ARID5A: variants seen among roughly 807,000 people sequenced by gnomAD.
ARID5A encodes AT-rich interactive domain-containing protein 5A.
A neutral mutation model predicts 30.5 loss-of-function variants in ARID5A; 14 were observed. The observed-to-expected ratio is 0.46, with a 90% CI of 0.30 to 0.72. The LOEUF (loss-of-function observed/expected upper bound fraction) is 0.72, where lower values mean the gene tolerates loss of function less well. ARID5A is among the 30% of genes least tolerant of loss of function. ARID5A has a pLI of 0.07. For missense variants in ARID5A, 669 were observed against 786.2 expected (o/e 0.85, Z 1.78); for synonymous variants, 338 against 340.4 (o/e 0.99, Z 0.08).
chr2:96,538,030 G>A (rs1268555563), intron 1 of ARID5A: 1 of 985,398 alleles, frequency 1.0e-6, no homozygotes, highest in Non-Finnish European at 1.2e-6. Flanking sequence ...TGGGAGGTCG[G>A]GGCTCGAGGG....
In ARID5A at chr2:96,549,951, C is replaced by T; in HGVS notation, c.312+146C>T. On this transcript the variant is annotated intron_variant, in intron 4 of 6. Transcript: ENST00000357485. This position sits in a 1 kb window ranked among gnomAD's most constrained non-coding sequence, Gnocchi z 6.1. ...CCTCCCTGCCTTCCCCGCTGGTACT[C>T]TGCTGCTCAAAGCAGCTTTTCAGCC... The T allele has an allele frequency of 6.5e-7, 1 of 1,531,912 alleles. No homozygotes were observed. The highest frequency in any genetic ancestry group is 1.4e-5 in the African/African-American group (1 of 72,912). The allele number at this position is 1,531,912 out of a possible 1,614,324, so 94.9% of individuals were successfully genotyped here.
chr2:96,542,597 G>C (rs558907358), intron 1 of ARID5A, among the ~76,000 whole-genome samples: 1 of 152,184 alleles, frequency 6.6e-6, no homozygotes. Context: ...TTTAAACCCT[G>C]CTGCCCCACC....
In ARID5A at chr2:96,549,859, T is replaced by A; in HGVS notation, c.312+54T>A. 6.3e-7 allele frequency: 1 copy of A among 1,587,404 alleles called. No homozygotes were observed. Among genetic ancestry groups the A allele is most frequent in the Non-Finnish European group, 8.6e-7 (1 of 1,165,730 alleles). On this transcript the variant is annotated intron_variant, in intron 4 of 6. Transcript: ENST00000357485. This position sits in a 1 kb window ranked among gnomAD's most constrained non-coding sequence, Gnocchi z 6.1. ...AAACTGCATATCCCTGGGGTGAGCC[T>A]GCAGCGCTGTCCTTGCCTCTGGACA...
At chr2:96,546,746 G>T (rs566641177) in intron 1 of ARID5A, among the ~76,000 whole-genome samples, 2 of 152,238 alleles carry the variant, frequency 1.3e-5, no homozygotes, top group South Asian at 4.1e-4. Context: ...CCTTATTAGG[G>T]CAGTTAGAAC....
chr2:96,539,919 C>CT lies in ARID5A; in HGVS notation c.4+3090dup, dbSNP rs548456796. ...CACAGATAAGGAACTTGAGGTCTCC[C>CT]TGCTCCCATTAGAAAGAAAAAAATC... On this transcript the variant is annotated intron_variant, in intron 1 of 6. Transcript: ENST00000357485. The surrounding 1 kb of genome is among the most constrained non-coding windows in gnomAD (Gnocchi z 4.7). Among the ~76,000 whole-genome samples, 21 of 152,320 alleles carry CT rather than the reference C, an allele frequency of 1.4e-4. No individual in the cohort carries two copies. In the East Asian group the frequency reaches 3.9e-3, roughly 28 times the overall value.
In ARID5A at chr2:96,551,947, G is replaced by T; in HGVS notation, c.1419G>T (p.Lys473Asn). 6.6e-7 allele frequency: 1 copy of T among 1,522,368 alleles called. No homozygotes were observed. The highest frequency in any genetic ancestry group is 8.8e-7 in the Non-Finnish European group (1 of 1,135,880). The allele number at this position is 1,522,368 out of a possible 1,614,324, so 94.3% of individuals were successfully genotyped here. Residue 473 changes from lysine (K) to asparagine (N), a missense_variant, in exon 7 of 7, where the codon AAG becomes AAT. By Grantham distance (94) the Lys-to-Asn change is moderately conservative. Transcript: ENST00000357485. ...TTCTTAAGGAGGCGGATGCCAAGAAGTGTGGGGCCAAACCTGCAGGGTCCG... is the reference window on the plus strand; with the variant it reads ...TTCTTAAGGAGGCGGATGCCAAGAATTGTGGGGCCAAACCTGCAGGGTCCG... ...SPFLKEADAK[K>N]CGAKPAGSGL...
At position 96,536,820 on chromosome 2, in the gene ARID5A, C is replaced by T; in HGVS notation, c.-7C>T. 1.6e-6 allele frequency: 2 copies of T among 1,227,066 alleles called. No individual in the cohort carries two copies. Among genetic ancestry groups the T allele is most frequent in the Non-Finnish European group, 2.0e-6 (2 of 984,824 alleles). The allele number at this position is 1,227,066 out of a possible 1,614,324, so 76.0% of individuals were successfully genotyped here. A position where few individuals can be genotyped will look rare whatever the true frequency, so the allele number is the denominator to read the frequency against. On this transcript the variant is annotated 5_prime_UTR_variant, in exon 1 of 7. Coordinates refer to ENST00000357485, the MANE Select transcript of ARID5A (RefSeq NM_212481.3). ...TCGGGGCGGGCGCCGCGGGACCTCTCCGGGCCATGGGTAAGCGGCTCTGCG... is the reference window on the plus strand; with the variant it reads ...TCGGGGCGGGCGCCGCGGGACCTCTTCGGGCCATGGGTAAGCGGCTCTGCG...
chr2:96,536,917 C>G, intron 1 of ARID5A, 87 bp downstream of exon 1: 1 of 1,218,556 alleles, frequency 8.2e-7, no homozygotes, highest in Non-Finnish European at 1.0e-6. Context: ...CCCTCCAGCC[C>G]TCGTGGCAGT....
At chr2:96,540,400 C>A (rs909541775) in intron 1 of ARID5A, among the ~76,000 whole-genome samples, 1 of 152,228 alleles carries the variant, frequency 6.6e-6, no homozygotes, top group Non-Finnish European at 1.5e-5. Flanking sequence ...TCACTAGGAG[C>A]CCAGGCTCAT....
intron 1 of ARID5A, among the ~76,000 whole-genome samples, chr2:96,541,861 C>T (rs1017862269): frequency 3.9e-5 from 6 of 152,214 alleles, no homozygotes; most frequent in African/African-American, 9.6e-5. Context: ...GGCAGTAGTG[C>T]GGTGGCTCAC....
At position 96,537,991 on chromosome 2, in the gene ARID5A, C is replaced by T. The variant is rs1240873400; in HGVS notation, c.4+1161C>T. The T allele has an allele frequency of 2.0e-6, 2 of 985,396 alleles. No individual in the cohort carries two copies. The highest frequency in any genetic ancestry group is 2.4e-6 in the Non-Finnish European group (2 of 829,990). 61.0% of individuals were successfully genotyped at this position (985,396 alleles called of 1,614,324 possible). ...CACACGCACGGTGGCGTCACTGCGCCTACAGGCAACGCTAGAGCACAGGAG... is the reference window on the plus strand; with the variant it reads ...CACACGCACGGTGGCGTCACTGCGCTTACAGGCAACGCTAGAGCACAGGAG... On this transcript the variant is annotated intron_variant, in intron 1 of 6. Transcript: ENST00000357485. The surrounding 1 kb of genome is among the most constrained non-coding windows in gnomAD (Gnocchi z 4.8).
intron 1 of ARID5A, 137 bp from the exon 2 acceptor site, chr2:96,547,265 C>T: frequency 1.5e-6 from 1 of 663,764 alleles, no homozygotes. Flanking sequence ...GCTGGGATCA[C>T]AGGAGTGAGC....
chr2:96,541,828 C>A (rs1189255666), intron 1 of ARID5A, among the ~76,000 whole-genome samples: 1 of 152,234 alleles, frequency 6.6e-6, no homozygotes, highest in Non-Finnish European at 1.5e-5. Context: ...AGAAAAGAAT[C>A]TGCACACACA....
rs2065813925 is a variant in ARID5A at position 96,539,802 on chromosome 2, C to T, written c.4+2972C>T. ...AGCCTGGATGCCTTAGCAGTCAACACAGACCTGCTCTTGTTAGCAGAGTGA... is the reference window on the plus strand; with the variant it reads ...AGCCTGGATGCCTTAGCAGTCAACATAGACCTGCTCTTGTTAGCAGAGTGA... On this transcript the variant is annotated intron_variant, in intron 1 of 6. Coordinates refer to ENST00000357485, the MANE Select transcript of ARID5A (RefSeq NM_212481.3). This position sits in a 1 kb window ranked among gnomAD's most constrained non-coding sequence, Gnocchi z 4.7. Among the ~76,000 whole-genome samples the T allele has an allele frequency of 6.6e-6, 1 of 151,688 alleles. No homozygotes were observed. The highest frequency in any genetic ancestry group is 6.6e-5 in the Admixed American group (1 of 15,236).
chr2:96,536,916 C>A, intron 1 of ARID5A, 86 bp downstream of exon 1: 1 of 1,219,190 alleles, frequency 8.2e-7, no homozygotes, highest in South Asian at 4.2e-5. Flanking sequence ...CCCCTCCAGC[C>A]CTCGTGGCAG....
intron 1 of ARID5A, among the ~76,000 whole-genome samples, chr2:96,544,081 A>G (rs575300329): frequency 1.3e-5 from 2 of 152,356 alleles, no homozygotes; most frequent in Admixed American, 6.5e-5. Context: ...TAAATCTCCA[A>G]TGCTGTGAAG....
chr2:96,549,488 G>A lies in ARID5A; in HGVS notation c.259+29G>A, dbSNP rs758150279. Reference sequence around the variant, plus strand: ...CGTCCCTGGGGTGCAGGCAGGGAGGGGGGCCCAGCAGGGGACCCCGCCCAG... The same window carrying A: ...CGTCCCTGGGGTGCAGGCAGGGAGGAGGGCCCAGCAGGGGACCCCGCCCAG... On this transcript the variant is annotated intron_variant, in intron 3 of 6. Coordinates refer to ENST00000357485, the MANE Select transcript of ARID5A (RefSeq NM_212481.3). The surrounding 1 kb of genome is among the most constrained non-coding windows in gnomAD (Gnocchi z 6.1). 2 of 1,605,212 alleles carry A rather than the reference G, an allele frequency of 1.2e-6. No individual in the cohort carries two copies. The highest frequency in any genetic ancestry group is 1.1e-5 in the South Asian group (1 of 90,874).
At chr2:96,536,932 G>A in intron 1 of ARID5A, 102 bp downstream of exon 1, 3 of 1,207,274 alleles carry the variant, frequency 2.5e-6, no homozygotes, top group Non-Finnish European at 3.1e-6. Flanking sequence ...GGCAGTCGGT[G>A]CGCTGTGTGG....
In ARID5A at chr2:96,552,574, G is replaced by A. The variant is rs961014418; in HGVS notation, c.*261G>A. 1.0e-5 allele frequency: 15 copies of A among 1,501,494 alleles called. No individual in the cohort carries two copies. The highest frequency in any genetic ancestry group is 1.4e-5 in the African/African-American group (1 of 71,664). 93.0% of individuals were successfully genotyped at this position (1,501,494 alleles called of 1,614,324 possible). On this transcript the variant is annotated 3_prime_UTR_variant, in exon 7 of 7. Coordinates refer to ENST00000357485, the MANE Select transcript of ARID5A (RefSeq NM_212481.3). ...GGGCAGCTCCCACTGCCCCAGAGCGGAGCTCGAAGCACCCAGGTTGCCCAC... is the reference window on the plus strand; with the variant it reads ...GGGCAGCTCCCACTGCCCCAGAGCGAAGCTCGAAGCACCCAGGTTGCCCAC...
Sources: gnomAD v4.1 joint callset for allele counts (sites outside exome capture counted in the v4.1 genomes callset) on GRCh38, gnomAD v4.1.1 for gene constraint, Gnocchi (gnomAD v3.1) non-coding constraint, MANE v1.5 for transcripts, NCBI Gene and HGNC (gene_info 2026-07-23, HGNC 2026-07-21) for gene names.